Variants in FAM81A observed in about 807,000 individuals in gnomAD.
The protein encoded by FAM81A is protein FAM81A.
FAM81A carries 19 observed loss-of-function variants against 46.7 expected under a neutral mutation model. That is an observed-to-expected ratio of 0.41 (90% CI 0.28 to 0.60). The LOEUF (loss-of-function observed/expected upper bound fraction) is 0.60, where lower values mean the gene tolerates loss of function less well. Ranked by LOEUF, FAM81A falls within the 20% of genes least tolerant of loss-of-function variation. The pLI is 0.34. For missense variants in FAM81A, 377 were observed against 453.5 expected, an observed-to-expected ratio of 0.83 and a Z score of 1.53; for synonymous variants, 183 against 152.9, an observed-to-expected ratio of 1.20 and a Z score of -1.45.
chr15:59,442,773 C>A (rs1311580866), intron 1 of FAM81A, among the ~76,000 whole-genome samples: 2 of 152,180 alleles, frequency 1.3e-5, no homozygotes, highest in Non-Finnish European at 2.9e-5. Context: ...CTCATTCTCT[C>A]TCTGTGTGTC....
intron 2 of FAM81A, among the ~76,000 whole-genome samples, chr15:59,427,876 G>A (rs1267653642): frequency 6.6e-6 from 1 of 152,208 alleles, no homozygotes; most frequent in Non-Finnish European, 1.5e-5. Context: ...TAAGAGTGCA[G>A]ATATCTCTTC....
chr15:59,416,587 G>A (rs1292236383), intron 2 of FAM81A, among the ~76,000 whole-genome samples: 1 of 152,184 alleles, frequency 6.6e-6, no homozygotes, highest in Non-Finnish European at 1.5e-5. Context: ...GGGATGTGGG[G>A]TGGGGCATCA....
chr15:59,401,568 CCTT>C (rs2081070554), intron 1 of FAM81A: 3 of 788,198 alleles, frequency 3.8e-6, no homozygotes, highest in Admixed American at 3.8e-5. Flanking sequence ...CTCTTCCATG[CCTT>C]CTTCTTTCTC....
chr15:59,463,747 C>T (rs1477977812), intron 3 of FAM81A, among the ~76,000 whole-genome samples: 1 of 57,150 alleles, frequency 1.7e-5, no homozygotes, highest in African/African-American at 9.4e-5. Context: ...GGGAGAGTTG[C>T]CATCTTAATT....
intron 4 of FAM81A, among the ~76,000 whole-genome samples, chr15:59,500,206 A>G (rs1311741790): frequency 6.6e-6 from 1 of 151,740 alleles, no homozygotes; most frequent in Non-Finnish European, 1.5e-5. Flanking sequence ...AGTTTGTTGA[A>G]CTACTTGTTT....
At chr15:59,483,512 TAAG>T (rs1445676313) in intron 3 of FAM81A, among the ~76,000 whole-genome samples, 1 of 152,184 alleles carries the variant, frequency 6.6e-6, no homozygotes, top group East Asian at 1.9e-4. Flanking sequence ...AAAATAGAGT[TAAG>T]AAGAGGGAGC....
At chr15:59,449,375 C>CT (rs1567047752) in intron 1 of FAM81A, among the ~76,000 whole-genome samples, 1 of 152,208 alleles carries the variant, frequency 6.6e-6, no homozygotes, top group Non-Finnish European at 1.5e-5. Flanking sequence ...CTATTCCTCT[C>CT]TATTTCTCAC....
At chr15:59,462,865 T>G (rs1472171692) in intron 3 of FAM81A, among the ~76,000 whole-genome samples, 2 of 152,246 alleles carry the variant, frequency 1.3e-5, no homozygotes, top group African/African-American at 4.8e-5. Context: ...TTGGGTTATT[T>G]GTCATATTAT....
intron 2 of FAM81A, among the ~76,000 whole-genome samples, chr15:59,413,842 C>G (rs565875135): frequency 7.2e-5 from 11 of 152,206 alleles, no homozygotes; most frequent in Non-Finnish European, 1.5e-4. Flanking sequence ...CCACAGCCCA[C>G]AGCTTCCTCC....
chr15:59,431,458 C>G (rs11855624), intron 2 of FAM81A, among the ~76,000 whole-genome samples: 25,705 of 151,728 alleles, frequency 0.17, 2,295 homozygotes, highest in Middle Eastern at 0.24. Flanking sequence ...TGGTCTCGAA[C>G]TCCTGACCTC....
chr15:59,460,247 C>T lies in FAM81A; in HGVS notation c.294+41C>T. On this transcript the variant is annotated intron_variant, in intron 3 of 8. Coordinates refer to ENST00000288228, the MANE Select transcript of FAM81A (RefSeq NM_152450.3). This position sits in a 1 kb window ranked among gnomAD's most constrained non-coding sequence, Gnocchi z 4.4. ...GTCAGGTGGCCTATGTCCCTTTCCA[C>T]AGAATTGCTCCATGTCAGGAGGTCA... 3 of 1,613,674 alleles carry T rather than the reference C, an allele frequency of 1.9e-6. No homozygotes were observed. The highest frequency in any genetic ancestry group is 2.2e-5 in the East Asian group (1 of 44,890).
chr15:59,469,307 G>C (rs1486239025), intron 3 of FAM81A, among the ~76,000 whole-genome samples: 1 of 152,052 alleles, frequency 6.6e-6, no homozygotes, highest in Non-Finnish European at 1.5e-5. Flanking sequence ...ATTGACAGTG[G>C]GGTGTTAAAG....
chr15:59,500,904 C>T (rs559755520), intron 4 of FAM81A, among the ~76,000 whole-genome samples: 81 of 151,816 alleles, frequency 5.3e-4, no homozygotes, highest in African/African-American at 1.9e-3. Context: ...TTATACATTC[C>T]TTTACTTTTA....
At chr15:59,469,816 G>A (rs545973786) in intron 3 of FAM81A, among the ~76,000 whole-genome samples, 6 of 152,256 alleles carry the variant, frequency 3.9e-5, no homozygotes, top group African/African-American at 1.4e-4. Context: ...AGCATCAATG[G>A]TCTTTACAAT....
chr15:59,509,030 T>A (rs2082177825), intron 6 of FAM81A, 61 bp downstream of exon 6: 1 of 1,280,916 alleles, frequency 7.8e-7, no homozygotes, highest in Admixed American at 2.4e-5. Flanking sequence ...TATGCAATAC[T>A]ATGATTTTTT....
chr15:59,417,551 C>CAA (rs34839033), intron 2 of FAM81A, among the ~76,000 whole-genome samples: 5,652 of 139,478 alleles, frequency 0.041, 230 homozygotes, highest in East Asian at 0.21. Context: ...ACTAAAAATA[C>CAA]AAAAAAAAAA....
intron 2 of FAM81A, among the ~76,000 whole-genome samples, chr15:59,424,039 C>T (rs1238773731): frequency 6.6e-6 from 1 of 152,210 alleles, no homozygotes; most frequent in Non-Finnish European, 1.5e-5. Flanking sequence ...CATTCACCTC[C>T]CATCTTTTCC....
chr15:59,410,189 T>A (rs910571337), intron 2 of FAM81A, among the ~76,000 whole-genome samples: 2 of 151,862 alleles, frequency 1.3e-5, no homozygotes, highest in Non-Finnish European at 2.9e-5. Flanking sequence ...CCCAGCTACC[T>A]AGGAGGCTGA....
intron 4 of FAM81A, 135 bp from the exon 5 acceptor site, chr15:59,507,078 T>A: frequency 8.5e-7 from 1 of 1,182,858 alleles, no homozygotes. Flanking sequence ...TGGAATTCAT[T>A]TGAACCTCTG....
Sources: gnomAD v4.1 joint callset for allele counts (sites outside exome capture counted in the v4.1 genomes callset) on GRCh38, gnomAD v4.1.1 for gene constraint, Gnocchi (gnomAD v3.1) non-coding constraint, MANE v1.5 for transcripts, NCBI Gene and HGNC (gene_info 2026-07-23, HGNC 2026-07-21) for gene names.